The following CTNNA3 variants were observed in gnomAD, a reference collection of about 807,000 sequenced individuals.
The protein encoded by CTNNA3 is catenin alpha-3.
In CTNNA3, 76 loss-of-function variants were observed where a neutral mutation model predicts 95.7. That is an observed-to-expected ratio of 0.79 (90% CI 0.66 to 0.96). The LOEUF (loss-of-function observed/expected upper bound fraction) is 0.96. Ranked by LOEUF, CTNNA3 falls within the 40% of genes least tolerant of loss-of-function variation. CTNNA3 has a pLI of 0.00. For synonymous variants in CTNNA3, 431 were observed against 374.4 expected (o/e 1.15, Z -1.74); for missense variants, 1,191 against 1,089.8 (o/e 1.09, Z -1.31).
chr10:67,214,684 T>C (rs55707623), intron 6 of CTNNA3, among the ~76,000 whole-genome samples: 6,360 of 152,010 alleles, frequency 0.042, 168 homozygotes, highest in South Asian at 0.088. Context: ...TAAAAATATA[T>C]TTATCTTTTT....
intron 7 of CTNNA3, among the ~76,000 whole-genome samples, chr10:66,885,284 A>G (rs913912199): frequency 9.9e-5 from 15 of 152,152 alleles, no homozygotes; most frequent in African/African-American, 2.2e-4. Context: ...GCTATTTTAC[A>G]TAGTTCAATA....
chr10:67,137,570 C>T (rs1860359339), intron 7 of CTNNA3, among the ~76,000 whole-genome samples: 1 of 152,086 alleles, frequency 6.6e-6, no homozygotes, highest in Non-Finnish European at 1.5e-5. Context: ...GCACAAAACC[C>T]ATTTGACCCT....
intron 17 of CTNNA3, among the ~76,000 whole-genome samples, chr10:65,948,126 A>T (rs1027138045): frequency 9.9e-5 from 15 of 152,032 alleles, no homozygotes; most frequent in South Asian, 2.1e-4. Context: ...AAATATTTTT[A>T]AAAAATTAGC....
intron 13 of CTNNA3, among the ~76,000 whole-genome samples, chr10:66,228,263 GTTGT>G (rs2089418468): frequency 1.3e-5 from 2 of 151,882 alleles, no homozygotes; most frequent in South Asian, 4.2e-4. Context: ...GCATCATTAG[GTTGT>G]TTATTTGAAA....
At chr10:66,317,557 C>T (rs1464648034) in intron 12 of CTNNA3, among the ~76,000 whole-genome samples, 2 of 151,758 alleles carry the variant, frequency 1.3e-5, no homozygotes, top group African/African-American at 4.8e-5. Flanking sequence ...CCTATAATCC[C>T]AGCTACTCGG....
At chr10:66,917,599 ATG>A (rs1846560919) in intron 7 of CTNNA3, among the ~76,000 whole-genome samples, 2 of 152,170 alleles carry the variant, frequency 1.3e-5, no homozygotes, top group African/African-American at 4.8e-5. Context: ...AAACCAACCT[ATG>A]GCATAGCTGT....
chr10:66,786,159 C>T (rs1312427914), intron 7 of CTNNA3, among the ~76,000 whole-genome samples: 2 of 152,114 alleles, frequency 1.3e-5, no homozygotes, highest in African/African-American at 2.4e-5. Context: ...TAGTTGCAGG[C>T]CTAGGGTCTT....
chr10:67,155,601 G>A (rs1439881750), intron 7 of CTNNA3, among the ~76,000 whole-genome samples: 1 of 151,644 alleles, frequency 6.6e-6, no homozygotes, highest in Non-Finnish European at 1.5e-5. Context: ...ATGTACATTG[G>A]GATATGTTGT....
At chr10:66,625,860 C>T (rs970426610) in intron 9 of CTNNA3, among the ~76,000 whole-genome samples, 2 of 152,062 alleles carry the variant, frequency 1.3e-5, no homozygotes, top group African/African-American at 4.8e-5. Flanking sequence ...ATCCTGACAC[C>T]TAGGCTAGTT....
At chr10:66,380,962 T>C (rs1006806294) in intron 11 of CTNNA3, among the ~76,000 whole-genome samples, 3 of 151,888 alleles carry the variant, frequency 2.0e-5, no homozygotes, top group African/African-American at 7.3e-5. Flanking sequence ...TGGGAGACTT[T>C]AACACCCCAC....
chr10:67,376,411 C>T (rs1447249272), intron 5 of CTNNA3, among the ~76,000 whole-genome samples: 1 of 152,140 alleles, frequency 6.6e-6, no homozygotes, highest in Non-Finnish European at 1.5e-5. Flanking sequence ...TAGAGCCTAC[C>T]TTATAGTCAA....
intron 13 of CTNNA3, among the ~76,000 whole-genome samples, chr10:66,276,296 T>C (rs1208652483): frequency 6.6e-6 from 1 of 152,096 alleles, no homozygotes; most frequent in Non-Finnish European, 1.5e-5. Context: ...AAACAAAACA[T>C]GTGAAATCTA....
At chr10:67,059,063 A>G (rs1388041027) in intron 7 of CTNNA3, among the ~76,000 whole-genome samples, 1 of 152,212 alleles carries the variant, frequency 6.6e-6, no homozygotes, top group African/African-American at 2.4e-5. Flanking sequence ...ATTGATAAAT[A>G]TCTGCACACA....
At chr10:66,275,393 A>G (rs2091373099) in intron 13 of CTNNA3, among the ~76,000 whole-genome samples, 1 of 152,214 alleles carries the variant, frequency 6.6e-6, no homozygotes, top group African/African-American at 2.4e-5. Context: ...GGCGTGAGCC[A>G]CTGAACTTGG....
At chr10:66,875,466 C>A (rs559535716) in intron 7 of CTNNA3, among the ~76,000 whole-genome samples, 1 of 151,166 alleles carries the variant, frequency 6.6e-6, no homozygotes, top group South Asian at 2.1e-4. Flanking sequence ...AGTTCCAAAT[C>A]ATTCAATAGT....
chr10:65,953,580 C>A (rs893580348), intron 17 of CTNNA3, among the ~76,000 whole-genome samples: 18 of 152,006 alleles, frequency 1.2e-4, no homozygotes, highest in African/African-American at 4.4e-4. Flanking sequence ...GTTCCCCACC[C>A]TGTGTCCAAG....
chr10:67,257,807 T>C (rs1169469277), intron 5 of CTNNA3, among the ~76,000 whole-genome samples: 1 of 152,202 alleles, frequency 6.6e-6, no homozygotes, highest in African/African-American at 2.4e-5. Context: ...GAATAAAGAA[T>C]TGAGGTTTTG....
chr10:65,933,589 G>A (rs1564524251), intron 17 of CTNNA3, among the ~76,000 whole-genome samples: 1 of 152,136 alleles, frequency 6.6e-6, no homozygotes, highest in Admixed American at 6.6e-5. Flanking sequence ...CCAGGAACTA[G>A]AGATTAGGAC....
At chr10:67,258,238 G>T (rs2132381439) in intron 5 of CTNNA3, among the ~76,000 whole-genome samples, 1 of 152,220 alleles carries the variant, frequency 6.6e-6, no homozygotes, top group Middle Eastern at 3.4e-3. Context: ...CCGCCTCCCA[G>T]GTTCCAGCAA....
Sources: gnomAD v4.1 joint callset for allele counts (sites outside exome capture counted in the v4.1 genomes callset) on GRCh38, gnomAD v4.1.1 for gene constraint, MANE v1.5 for transcripts, NCBI Gene and HGNC (gene_info 2026-07-23, HGNC 2026-07-21) for gene names.